The following TRHDE variants were observed in gnomAD, a reference collection of about 807,000 sequenced individuals.
The protein encoded by TRHDE is thyrotropin releasing hormone degrading enzyme.
A neutral mutation model predicts 125.7 loss-of-function variants in TRHDE; 72 were observed. The observed-to-expected ratio is 0.57, with a 90% CI of 0.47 to 0.70. The LOEUF (loss-of-function observed/expected upper bound fraction) is 0.70. Ranked by LOEUF, TRHDE falls within the 30% of genes least tolerant of loss-of-function variation. The pLI, the probability that TRHDE is intolerant of heterozygous loss-of-function variation, is 0.00. For synonymous variants in TRHDE, 509 were observed against 509.1 expected, an observed-to-expected ratio of 1.00 and a Z score of 0.00; for missense variants, 1,110 against 1,327.1, an observed-to-expected ratio of 0.84 and a Z score of 2.54.
chr12:72,448,235 T>G (rs905536883), intron 3 of TRHDE, among the ~76,000 whole-genome samples: 22 of 152,104 alleles, frequency 1.4e-4, no homozygotes, highest in African/African-American at 5.1e-4. Flanking sequence ...TCACATTTGT[T>G]GCCATCATAG....
At chr12:72,598,121 A>G (rs1872055838) in intron 12 of TRHDE, among the ~76,000 whole-genome samples, 1 of 152,088 alleles carries the variant, frequency 6.6e-6, no homozygotes, top group Non-Finnish European at 1.5e-5. Flanking sequence ...AAAAACTCAA[A>G]TGGTTTATAG....
chr12:72,165,454 C>G (rs551559123), intron 2 of TRHDE, among the ~76,000 whole-genome samples: 1 of 152,062 alleles, frequency 6.6e-6, no homozygotes, highest in Non-Finnish European at 1.5e-5. Context: ...ACTGCCACTA[C>G]GGTCTACTTG....
rs573466374 is a variant in TRHDE at position 72,232,497 on chromosome 12, C to T, written n.279+126745C>T. ...GTTTGCTATTTTTAAGAATTGACTA[C>T]ATCTAGGAGGGGCAGTCTCTCCCTA... On this transcript the variant is annotated intron_variant and non_coding_transcript_variant, in intron 2 of 4. Coordinates refer to the TRHDE transcript ENST00000548156. Among the ~76,000 whole-genome samples, 4 of 152,174 alleles carry T rather than the reference C, an allele frequency of 2.6e-5. No homozygotes were observed. In the Middle Eastern group the frequency reaches 0.01, roughly 388 times the overall value.
chr12:72,189,959 G>A (rs574113021), intron 2 of TRHDE, among the ~76,000 whole-genome samples: 3 of 152,198 alleles, frequency 2.0e-5, no homozygotes, highest in Admixed American at 1.3e-4. Flanking sequence ...CCACCTACCC[G>A]AATAGGTACT....
chr12:72,370,862 C>T (rs1440533611), intron 2 of TRHDE, among the ~76,000 whole-genome samples: 2 of 151,970 alleles, frequency 1.3e-5, no homozygotes, highest in East Asian at 3.9e-4. Context: ...TCTGCCTCAG[C>T]CTCTCAGGTA....
chr12:72,214,558 T>C (rs959041459), intron 2 of TRHDE, among the ~76,000 whole-genome samples: 12 of 152,236 alleles, frequency 7.9e-5, no homozygotes, highest in African/African-American at 2.7e-4. Flanking sequence ...TGATAAGGTT[T>C]CAATGACTTT....
At chr12:72,429,045 G>C (rs1200606451) in intron 3 of TRHDE, among the ~76,000 whole-genome samples, 3 of 151,894 alleles carry the variant, frequency 2.0e-5, no homozygotes, top group African/African-American at 7.3e-5. Flanking sequence ...TCCTTTGCAG[G>C]GACATGGATG....
chr12:72,649,814 A>G (rs965347689), intron 15 of TRHDE, among the ~76,000 whole-genome samples: 4 of 152,060 alleles, frequency 2.6e-5, no homozygotes, highest in Non-Finnish European at 5.9e-5. Flanking sequence ...GAAAATGCAA[A>G]TGAAAATCAC....
intron 2 of TRHDE, among the ~76,000 whole-genome samples, chr12:72,120,943 G>T (rs142967312): frequency 2.4e-4 from 36 of 152,098 alleles, no homozygotes; most frequent in African/African-American, 8.4e-4. Context: ...CTCCCAAAGT[G>T]CTGGGATTAA....
intron 5 of TRHDE, among the ~76,000 whole-genome samples, chr12:72,494,352 T>C (rs1877812271): frequency 6.6e-6 from 1 of 152,054 alleles, no homozygotes. Flanking sequence ...TCTTCTGCTT[T>C]CTCCATGCCT....
At chr12:72,575,571 A>G in intron 12 of TRHDE, 29 bp downstream of exon 12, 1 of 1,609,054 alleles carries the variant, frequency 6.2e-7, no homozygotes, top group East Asian at 2.2e-5. Context: ...CTCCCCAATA[A>G]AAACTTGTGC....
intron 2 of TRHDE, among the ~76,000 whole-genome samples, chr12:72,231,748 C>T (rs1878250498): frequency 6.6e-6 from 1 of 152,128 alleles, no homozygotes; most frequent in Non-Finnish European, 1.5e-5. Flanking sequence ...TGGATGACAT[C>T]TGATTAGGAA....
At chr12:72,546,272 C>T (rs966429458) in intron 7 of TRHDE, among the ~76,000 whole-genome samples, 2 of 151,624 alleles carry the variant, frequency 1.3e-5, no homozygotes, top group African/African-American at 4.8e-5. Flanking sequence ...TGATTCTTTT[C>T]ACATAGTCAT....
intron 2 of TRHDE, among the ~76,000 whole-genome samples, chr12:72,158,444 G>T (rs544158306): frequency 6.6e-6 from 1 of 151,588 alleles, no homozygotes; most frequent in South Asian, 2.1e-4. Flanking sequence ...TATGATGTGT[G>T]TGTAATTGCC....
intron 3 of TRHDE, among the ~76,000 whole-genome samples, chr12:72,452,201 G>A (rs1267473261): frequency 6.7e-6 from 1 of 149,474 alleles, no homozygotes; most frequent in Non-Finnish European, 1.5e-5. Context: ...TTTTTTTTTT[G>A]TAGATACTGT....
chr12:72,456,128 TACACACACAC>T (rs58045175), intron 3 of TRHDE, among the ~76,000 whole-genome samples: 12,864 of 134,736 alleles, frequency 0.095, 828 homozygotes, highest in East Asian at 0.35. Flanking sequence ...AATATGTAAT[TACACACACAC>T]ACACACACAC....
chr12:72,272,822 T>C lies in TRHDE; in HGVS notation c.179T>C (p.Leu60Pro). ...GCGCTTCGGGCTGGCAGCAGGGGGC[T>C]CTCCGACCCGTGGGCAGACTCAGTG... ...DAALRAGSRGLSDPWADSVGV... is the reference protein window; with the variant it reads ...DAALRAGSRGPSDPWADSVGV... The change falls in exon 1 of 19, where the codon CTC becomes CCC. Residue 60 changes from leucine to proline, a missense_variant. Leu to Pro is a moderately conservative substitution (Grantham distance 98). Transcript: ENST00000261180. The surrounding 1 kb of genome is among the most constrained non-coding windows in gnomAD (Gnocchi z 6.7). The C allele has an allele frequency of 6.3e-7, 1 of 1,575,486 alleles. No homozygotes were observed. Among genetic ancestry groups the C allele is most frequent in the South Asian group, 1.1e-5 (1 of 88,242 alleles).
chr12:72,319,676 C>G (rs577133716), intron 2 of TRHDE, among the ~76,000 whole-genome samples: 1 of 152,230 alleles, frequency 6.6e-6, no homozygotes, highest in South Asian at 2.1e-4. Flanking sequence ...TGCAGGATTG[C>G]TTTTTACTGA....
chr12:72,491,530 C>T (rs1033506874), intron 5 of TRHDE, among the ~76,000 whole-genome samples: 12 of 151,830 alleles, frequency 7.9e-5, no homozygotes, highest in African/African-American at 2.9e-4. Context: ...TTTCCCTTAG[C>T]CGCATCACAT....
Sources: gnomAD v4.1 joint callset for allele counts (sites outside exome capture counted in the v4.1 genomes callset) on GRCh38, gnomAD v4.1.1 for gene constraint, Gnocchi (gnomAD v3.1) non-coding constraint, MANE v1.5 for transcripts, NCBI Gene and HGNC (gene_info 2026-07-23, HGNC 2026-07-21) for gene names.